Variants in VTI1A observed in about 807,000 individuals in gnomAD.
The protein encoded by VTI1A is vesicle transport through interaction with t-SNAREs homolog 1A.
VTI1A carries 22 observed loss-of-function variants against 34.9 expected under a neutral mutation model. The ratio of observed to expected loss-of-function variants is 0.63; its 90% CI spans 0.45 to 0.90. The LOEUF is 0.90. Among genes scored for constraint, VTI1A ranks in the 40% least tolerant of loss-of-function variants. VTI1A has a pLI of 0.00. For synonymous variants in VTI1A, 87 were observed against 97.3 expected, an observed-to-expected ratio of 0.89 and a Z score of 0.62; for missense variants, 268 against 275.6, an observed-to-expected ratio of 0.97 and a Z score of 0.20.
intron 1 of VTI1A, chr10:112,450,509 C>T (rs956240613): frequency 6.6e-6 from 1 of 152,106 alleles, no homozygotes; most frequent in African/African-American, 2.4e-5. Flanking sequence ...AACTTTCCAG[C>T]CAAAGCAGTT....
the VTI1A span, among the ~76,000 whole-genome samples, chr10:112,853,027 A>G: frequency 6.6e-6 from 1 of 152,020 alleles, no homozygotes; most frequent in Non-Finnish European, 1.5e-5. Flanking sequence ...CTCGTGATCC[A>G]CCTGCCTTGG....
chr10:112,538,135 C>T (rs968670247), intron 4 of VTI1A, 111 bp from the exon 5 acceptor site: 13 of 824,370 alleles, frequency 1.6e-5, no homozygotes, highest in Admixed American at 2.7e-5. Flanking sequence ...TAATGGGTTG[C>T]GAACCCCCCC....
At chr10:112,447,182 G>A, upstream of VTI1A, 2 of 562,598 alleles carry the variant, frequency 3.6e-6, no homozygotes, top group Non-Finnish European at 6.3e-6. Context: ...AAGCACGCAC[G>A]CAACCCAATT....
chr10:112,483,214 A>C (rs145326844), intron 3 of VTI1A, among the ~76,000 whole-genome samples: 187 of 152,288 alleles, frequency 1.2e-3, no homozygotes, highest in Non-Finnish European at 1.8e-3. Flanking sequence ...GTCTCAAAGT[A>C]CAGACTGATG....
At chr10:112,592,462 C>G (rs1262949417) in intron 5 of VTI1A, among the ~76,000 whole-genome samples, 1 of 152,182 alleles carries the variant, frequency 6.6e-6, no homozygotes, top group Non-Finnish European at 1.5e-5. Context: ...TGGGAAAGCC[C>G]CAATCAGAAA....
At chr10:112,618,488 AT>A (rs1246145240) in intron 5 of VTI1A, among the ~76,000 whole-genome samples, 1 of 73,568 alleles carries the variant, frequency 1.4e-5, no homozygotes. Context: ...AAATGATTAT[AT>A]TATATATATA....
At chr10:112,760,889 C>CAA (rs10592117) in intron 7 of VTI1A, among the ~76,000 whole-genome samples, 4 of 94,234 alleles carry the variant, frequency 4.2e-5, no homozygotes, top group Non-Finnish European at 6.9e-5. Flanking sequence ...ACTCCATCTC[C>CAA]AAAAAAAAAA....
chr10:112,842,365 G>A, the VTI1A span, among the ~76,000 whole-genome samples: 3 of 152,236 alleles, frequency 2.0e-5, no homozygotes, highest in East Asian at 5.8e-4. Context: ...TTACAGCCAG[G>A]TGTTTACTAG....
chr10:112,849,981 G>A, the VTI1A span, among the ~76,000 whole-genome samples: 1 of 152,298 alleles, frequency 6.6e-6, no homozygotes, highest in Non-Finnish European at 1.5e-5. Flanking sequence ...CCAGGAAGGT[G>A]CACATCCTGG....
At chr10:112,771,083 G>A (rs1406628425) in intron 7 of VTI1A, among the ~76,000 whole-genome samples, 2 of 152,112 alleles carry the variant, frequency 1.3e-5, no homozygotes, top group African/African-American at 2.4e-5. Flanking sequence ...ACACACGGGC[G>A]CCCTTTCTAG....
chr10:112,464,868 A>T (rs1210079751), intron 3 of VTI1A: 1 of 572,632 alleles, frequency 1.7e-6, no homozygotes, highest in Non-Finnish European at 3.1e-6. Context: ...TCACAAATAG[A>T]TCCAAATCAT....
intron 7 of VTI1A, among the ~76,000 whole-genome samples, chr10:112,761,163 A>G (rs577967671): frequency 6.6e-6 from 1 of 152,284 alleles, no homozygotes; most frequent in East Asian, 1.9e-4. Context: ...TAACGAAGTG[A>G]TTGTGAGATC....
chr10:112,449,291 A>G (rs1847137113), intron 1 of VTI1A: 1 of 152,202 alleles, frequency 6.6e-6, no homozygotes, highest in Non-Finnish European at 1.5e-5. Flanking sequence ...TCTTTGGGTT[A>G]TTAGTTTTTG....
chr10:112,458,644 ATATTTTTATTTTTATTTT>A (rs199782141), intron 1 of VTI1A, among the ~76,000 whole-genome samples: 3 of 148,942 alleles, frequency 2.0e-5, no homozygotes, highest in African/African-American at 5.0e-5. Context: ...AATTATATAT[ATATTTTTATTTTTATTTT>A]TATTTTTATT....
chr10:112,745,890 T>C (rs1228029441), intron 7 of VTI1A, among the ~76,000 whole-genome samples: 2 of 152,212 alleles, frequency 1.3e-5, no homozygotes, highest in African/African-American at 4.8e-5. Context: ...TTGTGCAAGG[T>C]TACTCAGGTA....
At chr10:112,725,871 G>A (rs575606254) in intron 7 of VTI1A, among the ~76,000 whole-genome samples, 68 of 152,122 alleles carry the variant, frequency 4.5e-4, no homozygotes, top group African/African-American at 1.5e-3. Flanking sequence ...CTCTTTGATC[G>A]GTGAGATCCC....
At chr10:112,686,549 G>C (rs943647019) in intron 7 of VTI1A, among the ~76,000 whole-genome samples, 2 of 152,122 alleles carry the variant, frequency 1.3e-5, no homozygotes, top group African/African-American at 4.8e-5. Flanking sequence ...ACTGACACAA[G>C]GCATGGAAGC....
chr10:112,715,638 T>C (rs145930204), intron 7 of VTI1A, among the ~76,000 whole-genome samples: 295 of 152,340 alleles, frequency 1.9e-3, no homozygotes, highest in African/African-American at 6.9e-3. Context: ...TCAGTGAGCC[T>C]GTGTACTTCC....
intron 7 of VTI1A, among the ~76,000 whole-genome samples, chr10:112,690,483 T>A (rs1848576107): frequency 6.6e-6 from 1 of 152,156 alleles, no homozygotes; most frequent in African/African-American, 2.4e-5. Flanking sequence ...CAGTTCCTAT[T>A]TGACCTATTT....
Sources: gnomAD v4.1 joint callset for allele counts (sites outside exome capture counted in the v4.1 genomes callset) on GRCh38, gnomAD v4.1.1 for gene constraint, MANE v1.5 for transcripts, NCBI Gene and HGNC (gene_info 2026-07-23, HGNC 2026-07-21) for gene names.